The following SPOCK1 variants were observed in gnomAD, a reference collection of about 807,000 sequenced individuals.
The protein encoded by SPOCK1 is testican-1.
Under a neutral mutation model 55.3 loss-of-function variants are expected in SPOCK1, and 23 were observed. The observed-to-expected ratio is 0.42, with a 90% confidence interval of 0.30 to 0.59. The LOEUF is 0.59. Ranked by LOEUF, SPOCK1 falls within the 20% of genes least tolerant of loss-of-function variation. The pLI, the probability that SPOCK1 is intolerant of heterozygous loss-of-function variation, is 0.22. For missense variants in SPOCK1, 499 were observed against 552.5 expected (o/e 0.90, Z 0.97); for synonymous variants, 226 against 221.0 (o/e 1.02, Z -0.20).
At chr5:137,128,435 T>C (rs921793686) in intron 4 of SPOCK1, among the ~76,000 whole-genome samples, 9 of 152,258 alleles carry the variant, frequency 5.9e-5, no homozygotes, top group African/African-American at 1.7e-4. Flanking sequence ...CCCCATCTGA[T>C]TGTTCCCTGA....
chr5:136,999,375 G>C (rs1393454766), intron 6 of SPOCK1, among the ~76,000 whole-genome samples: 1 of 152,120 alleles, frequency 6.6e-6, no homozygotes, highest in Non-Finnish European at 1.5e-5. Flanking sequence ...CTGTACCCCG[G>C]GACCCCATTG....
At chr5:137,479,278 C>A (rs773034763) in intron 2 of SPOCK1, among the ~76,000 whole-genome samples, 1 of 152,156 alleles carries the variant, frequency 6.6e-6, no homozygotes, top group Non-Finnish European at 1.5e-5. Context: ...TTAGGGAAGT[C>A]TCTGTCCCCA....
chr5:137,242,713 G>C (rs1435692866), intron 3 of SPOCK1, among the ~76,000 whole-genome samples: 9 of 152,124 alleles, frequency 5.9e-5, no homozygotes, highest in Non-Finnish European at 1.5e-5. Context: ...ATTCCAGCCT[G>C]GGTGACAGGG....
chr5:137,036,695 G>T (rs1440075741), intron 6 of SPOCK1, among the ~76,000 whole-genome samples: 1 of 152,222 alleles, frequency 6.6e-6, no homozygotes, highest in Non-Finnish European at 1.5e-5. Context: ...GGACGGTAAG[G>T]CCGGAATGTG....
intron 6 of SPOCK1, among the ~76,000 whole-genome samples, chr5:137,010,905 A>G (rs1293213522): frequency 6.6e-6 from 1 of 152,072 alleles, no homozygotes; most frequent in African/African-American, 2.4e-5. Flanking sequence ...TGTCATTTTC[A>G]TGTTTCTTCG....
chr5:136,992,341 C>G (rs1435598411), intron 7 of SPOCK1, 143 bp downstream of exon 7: 1 of 686,546 alleles, frequency 1.5e-6, no homozygotes, highest in Non-Finnish European at 2.4e-6. Flanking sequence ...ATTTTTTAAT[C>G]CAACTTTTTT....
chr5:137,324,334 A>G (rs1217065076), intron 2 of SPOCK1, among the ~76,000 whole-genome samples: 1 of 152,074 alleles, frequency 6.6e-6, no homozygotes, highest in East Asian at 1.9e-4. Context: ...AATCCTGTCT[A>G]CTTAGGAGGC....
At chr5:137,389,549 G>C (rs1751671452) in intron 2 of SPOCK1, among the ~76,000 whole-genome samples, 1 of 152,246 alleles carries the variant, frequency 6.6e-6, no homozygotes, top group South Asian at 2.1e-4. Context: ...GATGGCAAGA[G>C]CCACTGTTCC....
chr5:137,095,185 C>A (rs1452304751), intron 5 of SPOCK1, among the ~76,000 whole-genome samples: 1 of 151,964 alleles, frequency 6.6e-6, no homozygotes, highest in Non-Finnish European at 1.5e-5. Flanking sequence ...ATCAGTGATC[C>A]CAGATCACCA....
chr5:137,151,139 T>C (rs762902842), intron 3 of SPOCK1, among the ~76,000 whole-genome samples: 5 of 151,700 alleles, frequency 3.3e-5, no homozygotes, highest in Non-Finnish European at 7.4e-5. Context: ...ATCTAAAATT[T>C]ATATTTTGTA....
At chr5:137,452,676 A>T (rs545700045) in intron 2 of SPOCK1, among the ~76,000 whole-genome samples, 2 of 152,340 alleles carry the variant, frequency 1.3e-5, no homozygotes, top group East Asian at 3.9e-4. Flanking sequence ...AAGCATAGTT[A>T]TGACTACAAT....
At chr5:137,022,009 C>A (rs1751586283) in intron 6 of SPOCK1, among the ~76,000 whole-genome samples, 2 of 152,104 alleles carry the variant, frequency 1.3e-5, no homozygotes, top group South Asian at 4.1e-4. Context: ...TATAATGCGA[C>A]CTTGGCACAC....
chr5:137,012,986 G>T (rs1240924742), intron 6 of SPOCK1, among the ~76,000 whole-genome samples: 6 of 152,154 alleles, frequency 3.9e-5, no homozygotes, highest in Non-Finnish European at 7.4e-5. Flanking sequence ...GCTTACAAAA[G>T]CATCTATGAT....
At chr5:137,259,688 TAAAA>T (rs61576266) in intron 3 of SPOCK1, among the ~76,000 whole-genome samples, 1 of 130,242 alleles carries the variant, frequency 7.7e-6, no homozygotes, top group Non-Finnish European at 1.6e-5. Flanking sequence ...CACATGAAAG[TAAAA>T]AAAAAAAAAA....
intron 2 of SPOCK1, among the ~76,000 whole-genome samples, chr5:137,404,950 C>A (rs1478761125): frequency 6.6e-6 from 1 of 152,236 alleles, no homozygotes; most frequent in Non-Finnish European, 1.5e-5. Context: ...CCATTCAAAT[C>A]TGGCTGCCAA....
intron 2 of SPOCK1, among the ~76,000 whole-genome samples, chr5:137,275,340 A>G (rs528497238): frequency 6.6e-6 from 1 of 152,184 alleles, no homozygotes; most frequent in Non-Finnish European, 1.5e-5. Context: ...GCTACCTTGT[A>G]GAGAATAAAA....
At chr5:136,997,822 C>T (rs550828019) in intron 6 of SPOCK1, among the ~76,000 whole-genome samples, 2 of 152,318 alleles carry the variant, frequency 1.3e-5, no homozygotes, top group South Asian at 2.1e-4. Flanking sequence ...ACACCCATCT[C>T]GTTCAGTGCC....
chr5:137,261,529 C>T (rs940941884), intron 3 of SPOCK1, among the ~76,000 whole-genome samples: 5 of 152,152 alleles, frequency 3.3e-5, no homozygotes, highest in African/African-American at 7.2e-5. Flanking sequence ...TTCTTTTCTT[C>T]TATTCACGAG....
chr5:137,422,959 T>A (rs1394638293), intron 2 of SPOCK1, among the ~76,000 whole-genome samples: 1 of 152,098 alleles, frequency 6.6e-6, no homozygotes, highest in Non-Finnish European at 1.5e-5. Flanking sequence ...ACAGATGGGG[T>A]TTTGGTGTGG....
Sources: allele counts gnomAD v4.1 joint callset (sites outside exome capture counted in the v4.1 genomes callset), GRCh38; gene constraint gnomAD v4.1.1; transcripts MANE v1.5; gene names NCBI Gene and HGNC (gene_info 2026-07-23, HGNC 2026-07-21).